Variants in SPATC1 observed in about 807,000 individuals in gnomAD.
The protein encoded by SPATC1 is spermatogenesis and centriole associated 1.
A neutral mutation model predicts 36.5 loss-of-function variants in SPATC1; 35 were observed. That is an observed-to-expected ratio of 0.96 (90% CI 0.73 to 1.27). The LOEUF (loss-of-function observed/expected upper bound fraction) is 1.27, where lower values mean the gene tolerates loss of function less well. Ranked by LOEUF, SPATC1 falls within the 50% of genes most tolerant of loss-of-function variation. The pLI, the probability that SPATC1 is intolerant of heterozygous loss-of-function variation, is 0.00. For missense variants in SPATC1, 779 were observed against 796.0 expected, an observed-to-expected ratio of 0.98 and a Z score of 0.26; for synonymous variants, 361 against 353.6, an observed-to-expected ratio of 1.02 and a Z score of -0.24.
chr8:144,022,630 T>C, intron 1 of SPATC1, among the ~76,000 whole-genome samples: 1 of 143,016 alleles, frequency 7.0e-6, no homozygotes, highest in African/African-American at 2.6e-5. Flanking sequence ...CTCAAGACCC[T>C]CCCACTTCAG....
chr8:144,038,527 G>A (rs1198644418), intron 1 of SPATC1, among the ~76,000 whole-genome samples: 1 of 151,550 alleles, frequency 6.6e-6, no homozygotes, highest in African/African-American at 2.4e-5. Flanking sequence ...GCAGTGGCAC[G>A]ATCACAGTGC....
Position 144,012,294 on chromosome 8 carries a change from G to A in SPATC1, c.-222G>A. 1.8e-6 allele frequency: 1 copy of A among 565,166 alleles called. No homozygotes were observed. Among genetic ancestry groups the A allele is most frequent in the Non-Finnish European group, 3.2e-6 (1 of 315,954 alleles). 35.0% of individuals were successfully genotyped at this position (565,166 alleles called of 1,614,324 possible). A position where few individuals can be genotyped will look rare whatever the true frequency, so the allele number is the denominator to read the frequency against. On this transcript the variant is annotated 5_prime_UTR_variant, in exon 1 of 5. Coordinates refer to ENST00000377470, the MANE Select transcript of SPATC1 (RefSeq NM_198572.3). ...AAAAGGTCAGGACATTCCAGGCCGA[G>A]GCAAGGCCTGTGTACAGGCCTGGTG... is the stretch of plus-strand genomic sequence containing the variant.
chr8:144,025,687 C>T (rs1834663507), intron 1 of SPATC1, among the ~76,000 whole-genome samples: 1 of 152,110 alleles, frequency 6.6e-6, no homozygotes, highest in South Asian at 2.1e-4. Flanking sequence ...CCAAAGGTAC[C>T]CTGTTTCCTG....
Position 144,046,881 on chromosome 8 carries a change from C to A in SPATC1, c.1701C>A (p.Leu567=), listed in dbSNP as rs140647326. The change falls in exon 5 of 5, where the codon CTC becomes CTA. Residue 567 remains leucine (L), a synonymous_variant. Transcript: ENST00000377470. This position sits in a 1 kb window ranked among gnomAD's most constrained non-coding sequence, Gnocchi z 6.6. ...TGGAGACCGTGCACCCCGGCATGCT[C>A]GCCGACGCGCTGCTGCTGCTCTCCT... The part of the protein sequence containing the change: ...VVVETVHPGM[L]ADALLLLSCL... 8.4e-5 allele frequency: 135 copies of A among 1,599,984 alleles called. 1 individual carries two copies. In the African/African-American group the frequency reaches 1.4e-3, roughly 17 times the overall value.
rs1167309028 is a variant in SPATC1 at position 144,025,467 on chromosome 8, C to A, written c.211+12741C>A. Among the ~76,000 whole-genome samples, 8 of 152,324 alleles carry A rather than the reference C, an allele frequency of 5.3e-5. No individual in the cohort carries two copies. The East Asian group carries it at 1.3e-3, about 26-fold the overall frequency. ...TCCTCTTCAATGTTCTCTTCAAGTT[C>A]TTTTCAAGGTACTTGTACTGGAGCC... On this transcript the variant is annotated intron_variant, in intron 1 of 4. Coordinates refer to ENST00000377470, the MANE Select transcript of SPATC1 (RefSeq NM_198572.3).
rs1292942900 is a variant in SPATC1, at chr8:144,041,445, G to A, written c.1446+74G>A. ...GGGGCCGTGGGGACCCTGCACTCTGGCCAGGCCAAACTTGCCAGGACCTGA... is the reference window on the plus strand; with the variant it reads ...GGGGCCGTGGGGACCCTGCACTCTGACCAGGCCAAACTTGCCAGGACCTGA... On this transcript the variant is annotated intron_variant, in intron 4 of 4. Coordinates refer to ENST00000377470, the MANE Select transcript of SPATC1 (RefSeq NM_198572.3). 7.1e-6 allele frequency: 11 copies of A among 1,559,714 alleles called. No individual in the cohort carries two copies. The African/African-American group carries it at 1.2e-4, about 17-fold the overall frequency.
chr8:144,046,698 C>A lies in SPATC1; in HGVS notation c.1518C>A (p.Ser506Arg), dbSNP rs782351354. The A allele has an allele frequency of 6.8e-6, 11 of 1,612,444 alleles. No individual in the cohort carries two copies. In the East Asian group the frequency reaches 8.9e-5, roughly 13 times the overall value. ...LCQRLTQRYV[S>R]VMNRLQSLGY... ...AGAGGCTCACACAGCGCTATGTGAG[C>A]GTCATGAACAGGCTGCAGAGTCTGG... is the stretch of plus-strand genomic sequence containing the variant. Residue 506 changes from serine to arginine, a missense_variant, in exon 5 of 5, where the codon AGC becomes AGA. Ser to Arg is a moderately radical substitution (Grantham distance 110, BLOSUM62 -1). Coordinates refer to ENST00000377470, the MANE Select transcript of SPATC1 (RefSeq NM_198572.3). The surrounding 1 kb of genome is among the most constrained non-coding windows in gnomAD (Gnocchi z 6.6).
chr8:144,019,478 T>C (rs1834460586), intron 1 of SPATC1, among the ~76,000 whole-genome samples: 1 of 152,248 alleles, frequency 6.6e-6, no homozygotes, highest in African/African-American at 2.4e-5. Context: ...CCGAGTTAAC[T>C]TCACCGGGAC....
At chr8:144,020,701 G>C (rs1256882859) in intron 1 of SPATC1, among the ~76,000 whole-genome samples, 3 of 11,666 alleles carry the variant, frequency 2.6e-4, no homozygotes, top group Non-Finnish European at 3.5e-4. Context: ...CTTCCCTCAG[G>C]ATCCTCTTCC....
intron 1 of SPATC1, among the ~76,000 whole-genome samples, chr8:144,027,230 G>A (rs963171297): frequency 6.6e-4 from 101 of 152,162 alleles, no homozygotes; most frequent in African/African-American, 2.3e-3. Context: ...CACCTCGGCC[G>A]CCCAAAGTGG....
rs1185970038 is a variant in SPATC1, at chr8:144,045,055, C to T, written c.1447-1572C>T. Among the ~76,000 whole-genome samples, 1 of 152,218 alleles carries T rather than the reference C, an allele frequency of 6.6e-6. No individual in the cohort carries two copies. The highest frequency in any genetic ancestry group is 1.5e-5 in the Non-Finnish European group (1 of 68,036). ...CCTGGTGCTCAGTGCTCACTGGGGC[C>T]GCTGCCTGTAACCCCCAGTACACTC... On this transcript the variant is annotated intron_variant, in intron 4 of 4. Transcript: ENST00000377470. The surrounding 1 kb of genome is among the most constrained non-coding windows in gnomAD (Gnocchi z 5.2).
intron 1 of SPATC1, among the ~76,000 whole-genome samples, chr8:144,039,288 A>G (rs1554755277): frequency 6.6e-6 from 1 of 152,210 alleles, no homozygotes; most frequent in African/African-American, 2.4e-5. Context: ...GCAGGGAGAG[A>G]GCATAAAGCA....
rs748165503 is a variant in SPATC1 at position 144,045,715 on chromosome 8, G to C, written c.1447-912G>C. 2.5e-4 allele frequency among the ~76,000 whole-genome samples: 38 copies of C among 152,216 alleles called. No homozygotes were observed. The highest frequency in any genetic ancestry group is 3.1e-4 in the Non-Finnish European group (21 of 68,034). On this transcript the variant is annotated intron_variant, in intron 4 of 4. Coordinates refer to ENST00000377470, the MANE Select transcript of SPATC1 (RefSeq NM_198572.3). The surrounding 1 kb of genome is among the most constrained non-coding windows in gnomAD (Gnocchi z 5.2). ...CGGGCAGGGCCAAGCCTGGAGGCAG[G>C]GGCAGCTGCACCTGTGACAGGCTGC...
intron 1 of SPATC1, among the ~76,000 whole-genome samples, chr8:144,026,780 A>G (rs1834685875): frequency 6.9e-6 from 1 of 145,758 alleles, no homozygotes; most frequent in East Asian, 2.0e-4. Flanking sequence ...TCCAATGCCC[A>G]TTTTTATTTT....
intron 1 of SPATC1, among the ~76,000 whole-genome samples, chr8:144,030,191 AAAGT>A (rs1364090594): frequency 1.3e-5 from 2 of 152,204 alleles, no homozygotes; most frequent in Admixed American, 1.3e-4. Context: ...CTTTCGATCT[AAAGT>A]GAGTCTCTTT....
At position 144,039,931 on chromosome 8, in the gene SPATC1, A is replaced by G; in HGVS notation, c.234A>G (p.Pro78=). The G allele has an allele frequency of 6.2e-7, 1 of 1,613,850 alleles. No individual in the cohort carries two copies. Among genetic ancestry groups the G allele is most frequent in the Non-Finnish European group, 8.5e-7 (1 of 1,179,948 alleles). The change falls in exon 2 of 5, where the codon CCA becomes CCG. Residue 78 remains proline, a synonymous_variant. Transcript: ENST00000377470. ...CAGGTGTCTTCCTGCCCCCGTCCCC[A>G]GCAGTGGCAAACGAACGAGTCCTCG... The part of the protein sequence containing the change: ...QNNGVFLPPS[P]AVANERVLEE...
chr8:144,012,466 C>G lies in SPATC1; in HGVS notation c.-50C>G. 3 of 1,515,530 alleles carry G rather than the reference C, an allele frequency of 2.0e-6. No individual in the cohort carries two copies. Among genetic ancestry groups the G allele is most frequent in the Non-Finnish European group, 2.7e-6 (3 of 1,114,876 alleles). The allele number at this position is 1,515,530 out of a possible 1,614,324, so 93.9% of individuals were successfully genotyped here. Reference sequence around the variant, plus strand: ...CAAGGCCTGGGGCCCTGGGCAGCCTCCAGGTGCAGTGCCCTCCCGTGGGCC... The same window carrying G: ...CAAGGCCTGGGGCCCTGGGCAGCCTGCAGGTGCAGTGCCCTCCCGTGGGCC... On this transcript the variant is annotated 5_prime_UTR_variant, in exon 1 of 5. Transcript: ENST00000377470.
chr8:144,028,871 A>T (rs1834736875), intron 1 of SPATC1, among the ~76,000 whole-genome samples: 1 of 152,176 alleles, frequency 6.6e-6, no homozygotes, highest in Non-Finnish European at 1.5e-5. Flanking sequence ...ATATTATGCC[A>T]TAAAAAGGGA....
chr8:144,043,297 AC>A (rs11352458), intron 4 of SPATC1, among the ~76,000 whole-genome samples: 3,278 of 142,138 alleles, frequency 0.023, 135 homozygotes, highest in African/African-American at 0.084. Context: ...GCCCAGCCTT[AC>A]ATTTTTTTTT....
Sources: gnomAD v4.1 joint callset for allele counts (sites outside exome capture counted in the v4.1 genomes callset) on GRCh38, gnomAD v4.1.1 for gene constraint, Gnocchi (gnomAD v3.1) non-coding constraint, MANE v1.5 for transcripts, NCBI Gene and HGNC (gene_info 2026-07-23, HGNC 2026-07-21) for gene names.